CALB2: variants seen among roughly 807,000 people sequenced by gnomAD.
The protein encoded by CALB2 is calbindin 2.
Under a neutral mutation model 45.9 loss-of-function variants are expected in CALB2, and 34 were observed. The observed-to-expected ratio is 0.74, with a 90% confidence interval of 0.56 to 0.99. The LOEUF is 0.99. Among genes scored for constraint, CALB2 ranks in the 50% least tolerant of loss-of-function variants. The pLI, the probability that CALB2 is intolerant of heterozygous loss-of-function variation, is 0.00. For synonymous variants in CALB2, 142 were observed against 129.6 expected (o/e 1.10, Z -0.65); for missense variants, 344 against 339.3 (o/e 1.01, Z -0.11).
intron 3 of CALB2, among the ~76,000 whole-genome samples, chr16:71,376,927 C>G (rs2042423489): frequency 6.6e-6 from 1 of 152,168 alleles, no homozygotes; most frequent in Non-Finnish European, 1.5e-5. Flanking sequence ...CCCAGAAGTA[C>G]CCACAGCAGC....
intron 3 of CALB2, 70 bp from the exon 4 acceptor site, chr16:71,377,597 A>AG: frequency 9.3e-7 from 1 of 1,079,580 alleles, no homozygotes; most frequent in Non-Finnish European, 1.4e-6. Flanking sequence ...CATCCTTCTT[A>AG]GGGGAAAATC....
chr16:71,388,689 C>T, intron 10 of CALB2, among the ~76,000 whole-genome samples: 1 of 151,866 alleles, frequency 6.6e-6, no homozygotes, highest in East Asian at 1.9e-4. Context: ...GAATTCCTTG[C>T]TTAAATAGGG....
intron 8 of CALB2, 120 bp from the exon 9 acceptor site, chr16:71,384,659 CCACA>C (rs747724528): frequency 0.067 from 29,029 of 431,762 alleles, 4,608 homozygotes; most frequent in African/African-American, 0.23. Context: ...AGACCACACA[CCACA>C]CACACAACAC....
chr16:71,364,629 T>A (rs1168584078), intron 1 of CALB2, among the ~76,000 whole-genome samples: 1 of 152,170 alleles, frequency 6.6e-6, no homozygotes, highest in African/African-American at 2.4e-5. Context: ...GCCTCCCTCA[T>A]GCCTGGGACT....
intron 1 of CALB2, among the ~76,000 whole-genome samples, chr16:71,367,627 T>G (rs183218210): frequency 6.6e-6 from 1 of 152,320 alleles, no homozygotes; most frequent in African/African-American, 2.4e-5. Context: ...GCTGCCTGTC[T>G]GCCTGCCTCT....
At chr16:71,362,198 A>C (rs927741181) in intron 1 of CALB2, among the ~76,000 whole-genome samples, 4 of 152,192 alleles carry the variant, frequency 2.6e-5, no homozygotes, top group African/African-American at 9.7e-5. Flanking sequence ...TGGCTGAGGG[A>C]TGCCCAGTTC....
At chr16:71,380,985 G>A (rs1038480373) in intron 4 of CALB2, among the ~76,000 whole-genome samples, 1 of 152,228 alleles carries the variant, frequency 6.6e-6, no homozygotes, top group Non-Finnish European at 1.5e-5. Context: ...GGAGGCACGT[G>A]GGGGAGCCCA....
intron 2 of CALB2, 78 bp downstream of exon 2, chr16:71,372,307 T>C (rs2042361536): frequency 2.0e-6 from 2 of 1,014,466 alleles, no homozygotes; most frequent in Admixed American, 2.2e-5. Flanking sequence ...CAGTTATGTA[T>C]GCCATAAGCA....
chr16:71,364,939 TC>T (rs886501538), intron 1 of CALB2, among the ~76,000 whole-genome samples: 1 of 152,090 alleles, frequency 6.6e-6, no homozygotes, highest in African/African-American at 2.4e-5. Flanking sequence ...TGAATCTCCT[TC>T]CCCCTCCGAT....
Position 71,389,875 on chromosome 16 carries a change from G to A in CALB2, c.*10G>A, listed in dbSNP as rs188184254. ...CGAGCCCCCCATGTAAAGTGGGGAC[G>A]GGGGCTGCTTCTCCACCTCCCCCAA... is the stretch of plus-strand genomic sequence containing the variant. On this transcript the variant is annotated 3_prime_UTR_variant, in exon 11 of 11. Coordinates refer to ENST00000302628, the MANE Select transcript of CALB2 (RefSeq NM_001740.5). 1.8e-4 allele frequency: 290 copies of A among 1,588,354 alleles called. No individual in the cohort carries two copies. The African/African-American group carries it at 3.1e-3, about 17-fold the overall frequency.
chr16:71,375,919 G>A (rs1016314553), intron 3 of CALB2, among the ~76,000 whole-genome samples: 2 of 152,202 alleles, frequency 1.3e-5, no homozygotes, highest in Non-Finnish European at 2.9e-5. Context: ...CTTCCCCAGC[G>A]GGGCAGCTCT....
intron 1 of CALB2, among the ~76,000 whole-genome samples, chr16:71,361,048 G>A (rs991875140): frequency 2.0e-5 from 3 of 152,168 alleles, no homozygotes; most frequent in Admixed American, 1.3e-4. Flanking sequence ...TGGCTAGAGT[G>A]TAGTTAAGCT....
At chr16:71,384,659 C>CACA (rs1555526960) in intron 8 of CALB2, 124 bp from the exon 9 acceptor site, 1 of 432,062 alleles carries the variant, frequency 2.3e-6, no homozygotes. Context: ...AGACCACACA[C>CACA]CACACACACA....
At chr16:71,360,135 G>A (rs2144945000) in intron 1 of CALB2, among the ~76,000 whole-genome samples, 1 of 152,264 alleles carries the variant, frequency 6.6e-6, no homozygotes, top group East Asian at 1.9e-4. Flanking sequence ...AAAACAGAGG[G>A]GCATCAGGTG....
chr16:71,390,035 T>C lies in CALB2; in HGVS notation c.*170T>C. The stretch of plus-strand genomic sequence containing the variant: ...TAGAGGATGGGCAGCTGGGGGGCTG[T>C]CCTGAGCCCCCTGCACCCACCCCTG... On this transcript the variant is annotated 3_prime_UTR_variant, in exon 11 of 11. Coordinates refer to ENST00000302628, the MANE Select transcript of CALB2 (RefSeq NM_001740.5). 3 of 598,662 alleles carry C rather than the reference T, an allele frequency of 5.0e-6. No homozygotes were observed. In the East Asian group the frequency reaches 8.3e-5, roughly 17 times the overall value. 37.1% of individuals were successfully genotyped at this position (598,662 alleles called of 1,614,324 possible).
At position 71,384,581 on chromosome 16, in the gene CALB2, G is replaced by T. The variant is rs979310787; in HGVS notation, c.574-202G>T. Among the ~76,000 whole-genome samples the T allele has an allele frequency of 7.7e-5, 3 of 38,856 alleles. No individual in the cohort carries two copies. In the East Asian group the frequency reaches 2.7e-3, roughly 35 times the overall value. The allele number at this position is 38,856 out of a possible 152,430, so 25.5% of individuals were successfully genotyped here. On this transcript the variant is annotated intron_variant, in intron 8 of 10. Transcript: ENST00000302628. ...CACACACACCACATACACAACACAC[G>T]CAGACCACACACACTACATATCACA...
At chr16:71,382,161 T>G (rs28435976) in intron 4 of CALB2, among the ~76,000 whole-genome samples, 84,926 of 125,516 alleles carry the variant, frequency 0.68, 25,112 homozygotes, top group African/African-American at 0.75. Context: ...GGAAAGAAAA[T>G]AAAGGAAGGA....
intron 10 of CALB2, among the ~76,000 whole-genome samples, chr16:71,386,456 A>G (rs1340697475): frequency 6.6e-6 from 1 of 152,236 alleles, no homozygotes; most frequent in Non-Finnish European, 1.5e-5. Context: ...GGGAGGGGTT[A>G]AAAGGAGCCA....
In CALB2 at chr16:71,383,446, T is replaced by G; in HGVS notation, c.477+2T>G. 1.2e-6 allele frequency: 2 copies of G among 1,613,938 alleles called. No homozygotes were observed. Among genetic ancestry groups the G allele is most frequent in the Non-Finnish European group, 1.7e-6 (2 of 1,179,848 alleles). ...CTCCAGGAATACACCCAAACCATAG[T>G]GAGTGAACAGAAGTGTCCCTCTCCC... On this transcript the variant is annotated splice_donor_variant, in intron 6 of 10. Coordinates refer to ENST00000302628, the MANE Select transcript of CALB2 (RefSeq NM_001740.5). LOFTEE classifies it high-confidence loss of function.
Sources: gnomAD v4.1 joint callset for allele counts (sites outside exome capture counted in the v4.1 genomes callset) on GRCh38, gnomAD v4.1.1 for gene constraint, MANE v1.5 for transcripts, NCBI Gene and HGNC (gene_info 2026-07-23, HGNC 2026-07-21) for gene names.